Variants in DGKZ observed in about 807,000 individuals in gnomAD.
DGKZ encodes the protein DAG kinase zeta.
In DGKZ, 45 loss-of-function variants were observed where a neutral mutation model predicts 142.5. That is an observed-to-expected ratio of 0.32 (90% CI 0.25 to 0.40). DGKZ has a LOEUF of 0.40. Ranked by LOEUF, DGKZ falls within the 10% of genes least tolerant of loss-of-function variation. The probability of loss-of-function intolerance (pLI) is 1.00; values close to 1 mark genes in which losing one functional copy is unlikely to be tolerated. For missense variants in DGKZ, 755 were observed against 1,306.5 expected, an observed-to-expected ratio of 0.58 and a Z score of 6.51; for synonymous variants, 442 against 527.0, an observed-to-expected ratio of 0.84 and a Z score of 2.21.
rs777796084 is a variant in DGKZ at position 46,367,029 on chromosome 11, TG to T, written c.162-259del. On this transcript the variant is annotated intron_variant, in intron 1 of 30. Coordinates refer to ENST00000527911, the Ensembl canonical transcript of DGKZ. This position sits in a 1 kb window ranked among gnomAD's most constrained non-coding sequence, Gnocchi z 4.1. ...GCAGGGCGAGTGGTGTGACCTCCTG[TG>T]GGTCTGGCCTGGGCATGGGCCTTGA... 3.4e-6 allele frequency: 5 copies of T among 1,480,116 alleles called. No homozygotes were observed. Among genetic ancestry groups the T allele is most frequent in the Non-Finnish European group, 4.5e-6 (5 of 1,119,922 alleles). The allele number at this position is 1,480,116 out of a possible 1,614,324, so 91.7% of individuals were successfully genotyped here.
intron 1 of DGKZ, chr11:46,366,478 C>G: frequency 6.4e-7 from 1 of 1,572,386 alleles, no homozygotes; most frequent in Non-Finnish European, 8.6e-7. Context: ...GCCGCCGGCG[C>G]TCCAGCACTG....
chr11:46,335,971 G>A (rs1032933684), intron 1 of DGKZ, among the ~76,000 whole-genome samples: 2 of 152,212 alleles, frequency 1.3e-5, no homozygotes, highest in East Asian at 1.9e-4. Context: ...CCACAGTTCC[G>A]TGCAGCTCTG....
chr11:46,355,121 A>AT (rs1302769484), intron 1 of DGKZ, among the ~76,000 whole-genome samples: 5 of 151,566 alleles, frequency 3.3e-5, no homozygotes, highest in Non-Finnish European at 7.4e-5. Flanking sequence ...ATTTTATTTT[A>AT]TTTTTTTGAG....
intron 30 of DGKZ, 80 bp downstream of exon 30, chr11:46,379,648 G>C (rs2136526628): frequency 7.2e-7 from 1 of 1,386,480 alleles, no homozygotes; most frequent in Non-Finnish European, 9.8e-7. Context: ...CTGGGGCTGG[G>C]GGCTGTCCCT....
chr11:46,348,037 C>T (rs925222416), intron 1 of DGKZ, among the ~76,000 whole-genome samples: 1 of 152,166 alleles, frequency 6.6e-6, no homozygotes. Context: ...CGGCTTGGCA[C>T]TGTCACCGGG....
intron 1 of DGKZ, among the ~76,000 whole-genome samples, chr11:46,355,133 C>A (rs1376633081): frequency 6.6e-6 from 1 of 151,924 alleles, no homozygotes; most frequent in South Asian, 2.1e-4. Context: ...TTTTTTGAGA[C>A]AGAGTCTCAC....
intron 4 of DGKZ, chr11:46,369,101 G>C (rs529492138): frequency 6.9e-6 from 2 of 291,096 alleles, no homozygotes; most frequent in Non-Finnish European, 1.3e-5. Context: ...CCAGCTACTC[G>C]GGAGGTGGAG....
At chr11:46,374,046 C>G in intron 14 of DGKZ, 111 bp from the exon 15 acceptor site, 1 of 1,204,916 alleles carries the variant, frequency 8.3e-7, no homozygotes, top group Non-Finnish European at 1.2e-6. Flanking sequence ...CGCTGCTGAC[C>G]AGGAAAAGCC....
intron 19 of DGKZ, 30 bp from the exon 20 acceptor site, chr11:46,375,402 C>T: frequency 6.5e-7 from 1 of 1,545,804 alleles, no homozygotes; most frequent in Non-Finnish European, 8.7e-7. Context: ...AGCCCTGGTG[C>T]CATCTGACCC....
At chr11:46,379,139 T>A (rs1456278256) in intron 28 of DGKZ, 28 bp downstream of exon 28, 4 of 1,610,938 alleles carry the variant, frequency 2.5e-6, no homozygotes, top group Middle Eastern at 1.7e-4. Context: ...GCCCAGGGCC[T>A]GGGGCCAAGG....
At chr11:46,379,377 C>T (rs1944951363) in intron 29 of DGKZ, 92 bp from the exon 30 acceptor site, 13 of 1,568,346 alleles carry the variant, frequency 8.3e-6, no homozygotes, top group Admixed American at 7.0e-5. Flanking sequence ...CCCCAGAGCC[C>T]TGAACTTCCT....
chr11:46,356,671 A>C (rs1942055804), intron 1 of DGKZ, among the ~76,000 whole-genome samples: 1 of 152,140 alleles, frequency 6.6e-6, no homozygotes, highest in Non-Finnish European at 1.5e-5. Flanking sequence ...AGAAGCATCC[A>C]GGGTGGAGCC....
intron 4 of DGKZ, chr11:46,369,220 A>G: frequency 1.8e-6 from 1 of 543,034 alleles, no homozygotes; most frequent in Non-Finnish European, 3.3e-6. Context: ...CCATGGTCCC[A>G]TGTTAGTGGG....
chr11:46,352,510 C>T (rs1199433599), intron 1 of DGKZ, among the ~76,000 whole-genome samples: 1 of 152,222 alleles, frequency 6.6e-6, no homozygotes, highest in Non-Finnish European at 1.5e-5. Flanking sequence ...GAGGCCCAGG[C>T]CCAGCCAGGT....
exon 8 of DGKZ, chr11:46,371,561 G>A (rs761281801): frequency 6.2e-7 from 1 of 1,610,862 alleles, no homozygotes. Flanking sequence ...ACGCAGCCGT[G>A]GTCATCCCGC....
At chr11:46,333,020 A>C in exon 1 of DGKZ, 4 of 323,380 alleles carry the variant, frequency 1.2e-5, no homozygotes, top group East Asian at 4.8e-5. Context: ...CGCGGCGCGC[A>C]GAGCGCAGCA....
At chr11:46,380,001 C>T (rs1945045370) in exon 31 of DGKZ, 1 of 1,496,890 alleles carries the variant, frequency 6.7e-7, no homozygotes, top group Non-Finnish European at 9.1e-7. Context: ...CGAGCGCCTT[C>T]CTTGCCCACC....
Position 46,374,867 on chromosome 11 carries a change from G to A in DGKZ, c.1598+28G>A, listed in dbSNP as rs570442069. 312 of 1,583,316 alleles carry A rather than the reference G, an allele frequency of 2.0e-4. 5 individuals carry two copies. The South Asian group carries it at 3.5e-3, about 18-fold the overall frequency. On this transcript the variant is annotated intron_variant, in intron 18 of 30. Coordinates refer to ENST00000527911, the Ensembl canonical transcript of DGKZ. Reference sequence around the variant, plus strand: ...GAGGAGGGGGCTACCGGAGCTGGGGGGAGCCCTGCTGTCCTTGTCCTGCAG... The same window carrying A: ...GAGGAGGGGGCTACCGGAGCTGGGGAGAGCCCTGCTGTCCTTGTCCTGCAG...
intron 15 of DGKZ, 26 bp downstream of exon 15, chr11:46,374,261 G>A: frequency 6.2e-7 from 1 of 1,613,800 alleles, no homozygotes; most frequent in South Asian, 1.1e-5. Flanking sequence ...CTGAGGCCAG[G>A]GCAGGGTGGG....
Sources: allele counts gnomAD v4.1 joint callset (sites outside exome capture counted in the v4.1 genomes callset), GRCh38; gene constraint gnomAD v4.1.1; non-coding constraint Gnocchi (gnomAD v3.1); transcripts MANE v1.5; gene names NCBI Gene and HGNC (gene_info 2026-07-23, HGNC 2026-07-21).